The following IST1 variants were observed in gnomAD, a reference collection of about 807,000 sequenced individuals.
IST1 encodes IST1 homolog.
A neutral mutation model predicts 37.0 loss-of-function variants in IST1; 23 were observed. That is an observed-to-expected ratio of 0.62 (90% CI 0.45 to 0.88). The LOEUF (loss-of-function observed/expected upper bound fraction) is 0.88, where lower values mean the gene tolerates loss of function less well. IST1 is among the 40% of genes least tolerant of loss of function. IST1 has a pLI of 0.00. For synonymous variants in IST1, 180 were observed against 161.7 expected, an observed-to-expected ratio of 1.11 and a Z score of -0.86; for missense variants, 488 against 445.4, an observed-to-expected ratio of 1.10 and a Z score of -0.86.
rs200292055 is a variant in IST1, at chr16:71,917,113, A to G, written c.336A>G (p.Ser112=). ...TLIWAAPRLQ[S]EVAELKIVAD... ...TCTGGGCTGCTCCTCGACTCCAGTC[A>G]GAAGTGGCTGAGTTGAAAATAGTGA... Residue 112 remains serine (S), a synonymous_variant, in exon 4 of 10, where the codon TCA becomes TCG. Transcript: ENST00000378799. The G allele has an allele frequency of 2.4e-5, 38 of 1,610,438 alleles. No homozygotes were observed. The highest frequency in any genetic ancestry group is 2.7e-5 in the Non-Finnish European group (32 of 1,177,290).
chr16:71,924,480 A>G (rs1001515631), intron 8 of IST1: 11 of 525,648 alleles, frequency 2.1e-5, no homozygotes, highest in Non-Finnish European at 3.4e-5. Flanking sequence ...GGTCCCAGCT[A>G]TGCAGGAGGC....
At chr16:71,900,808 C>T (rs1027758543) in intron 1 of IST1, among the ~76,000 whole-genome samples, 3 of 151,964 alleles carry the variant, frequency 2.0e-5, no homozygotes, top group Admixed American at 6.6e-5. Flanking sequence ...ATTGTGAGCC[C>T]CTTGAAGGCT....
intron 8 of IST1, 152 bp from the exon 9 acceptor site, chr16:71,924,617 C>A: frequency 1.5e-6 from 1 of 666,592 alleles, no homozygotes. Context: ...ATAGTATCTA[C>A]CTGATTGGAA....
rs2037781762 is a variant in IST1, at chr16:71,927,690, A to G, written c.978A>G (p.Pro326=). The G allele has an allele frequency of 1.9e-6, 3 of 1,613,790 alleles. No homozygotes were observed. Among genetic ancestry groups the G allele is most frequent in the Non-Finnish European group, 2.5e-6 (3 of 1,179,826 alleles). Residue 326 remains proline (P), a synonymous_variant, in exon 10 of 10, where the codon CCA becomes CCG. Coordinates refer to ENST00000378799, the MANE Select transcript of IST1 (RefSeq NM_001270975.2). ...ATAACTATGACAACTTTGTCCTACC[A>G]GAGTTGCCATCTGTGCCAGACACAC... The part of the protein sequence containing the change: ...PADNYDNFVL[P]ELPSVPDTLP...
At chr16:71,915,911 A>G (rs187428131) in intron 2 of IST1, among the ~76,000 whole-genome samples, 183 bp downstream of exon 2, 37 of 150,684 alleles carry the variant, frequency 2.5e-4, no homozygotes, top group African/African-American at 8.8e-4. Context: ...GCTCACTGCA[A>G]CCTCCATCTC....
At chr16:71,912,719 C>T (rs1356905501) in intron 1 of IST1, among the ~76,000 whole-genome samples, 2 of 152,192 alleles carry the variant, frequency 1.3e-5, no homozygotes, top group Non-Finnish European at 2.9e-5. Flanking sequence ...AAACTTTCAT[C>T]TTTCAAAACT....
chr16:71,914,006 C>T (rs2037414715), intron 1 of IST1, among the ~76,000 whole-genome samples: 1 of 151,988 alleles, frequency 6.6e-6, no homozygotes, highest in Non-Finnish European at 1.5e-5. Flanking sequence ...TGGGGTTTCT[C>T]CGTGTTGGTC....
chr16:71,909,929 T>C (rs1216426895), intron 1 of IST1, among the ~76,000 whole-genome samples: 2 of 152,162 alleles, frequency 1.3e-5, no homozygotes, highest in Non-Finnish European at 2.9e-5. Context: ...TAATCATGGG[T>C]ATATTGAGTA....
At chr16:71,923,437 G>A (rs2037659390) in intron 8 of IST1, 57 bp downstream of exon 8, 1 of 1,080,098 alleles carries the variant, frequency 9.3e-7, no homozygotes, top group East Asian at 2.4e-5. Flanking sequence ...TGAAGAGCGA[G>A]CAAAATAATG....
chr16:71,898,310 G>A (rs1342671140), intron 1 of IST1, among the ~76,000 whole-genome samples: 1 of 149,572 alleles, frequency 6.7e-6, no homozygotes, highest in Non-Finnish European at 1.5e-5. Context: ...CTGGGAGGTG[G>A]AGGTTGCAAT....
intron 7 of IST1, 145 bp from the exon 8 acceptor site, chr16:71,923,143 C>T (rs1034485957): frequency 1.8e-5 from 9 of 500,424 alleles, no homozygotes; most frequent in East Asian, 3.3e-5. Context: ...ACATGTGGTC[C>T]TTTTGGGCAT....
chr16:71,894,899 T>G, upstream of IST1: 1 of 1,356,366 alleles, frequency 7.4e-7, no homozygotes, highest in Non-Finnish European at 1.0e-6. Context: ...CGAGATAAAT[T>G]AGGGAAATCG....
At chr16:71,923,653 G>A (rs890528585) in intron 8 of IST1, 28 of 316,546 alleles carry the variant, frequency 8.8e-5, no homozygotes, top group Non-Finnish European at 1.2e-5. Context: ...CTCTATGAGG[G>A]CACTTAGCCA....
chr16:71,897,779 C>G (rs973821362), intron 1 of IST1, among the ~76,000 whole-genome samples: 2 of 151,646 alleles, frequency 1.3e-5, no homozygotes, highest in Non-Finnish European at 2.9e-5. Context: ...AACCCTGTCT[C>G]TACTAAAAAT....
chr16:71,927,499 A>G (rs1312717895), intron 9 of IST1, 115 bp from the exon 10 acceptor site: 8 of 801,654 alleles, frequency 1.0e-5, no homozygotes, highest in Non-Finnish European at 1.6e-5. Flanking sequence ...AAAAAAAAAA[A>G]AAAGTTTGTG....
chr16:71,926,427 T>C (rs1167013728), intron 9 of IST1, among the ~76,000 whole-genome samples: 2 of 151,590 alleles, frequency 1.3e-5, no homozygotes, highest in African/African-American at 2.4e-5. Flanking sequence ...CATTGCAAGC[T>C]CCACCTCCCG....
At chr16:71,908,170 C>G (rs1415863834) in intron 1 of IST1, among the ~76,000 whole-genome samples, 3 of 151,932 alleles carry the variant, frequency 2.0e-5, no homozygotes, top group Non-Finnish European at 4.4e-5. Context: ...TCTTGAACTC[C>G]TGACCTCACG....
At chr16:71,917,025 A>G in intron 3 of IST1, 22 bp from the exon 4 acceptor site, 2 of 1,496,196 alleles carry the variant, frequency 1.3e-6, no homozygotes, top group Non-Finnish European at 1.8e-6. Context: ...AGAATGTTAT[A>G]TTAATTTTTT....
intron 9 of IST1, among the ~76,000 whole-genome samples, chr16:71,925,335 G>A (rs1024188381): frequency 1.2e-5 from 1 of 85,352 alleles, no homozygotes; most frequent in Non-Finnish European, 2.2e-5. Context: ...TTTTTTTTTT[G>A]AGACGGAGTC....
Sources: gnomAD v4.1 joint callset for allele counts (sites outside exome capture counted in the v4.1 genomes callset) on GRCh38, gnomAD v4.1.1 for gene constraint, MANE v1.5 for transcripts, NCBI Gene and HGNC (gene_info 2026-07-23, HGNC 2026-07-21) for gene names.